Variants in OCEL1 observed in about 807,000 individuals in gnomAD.
The protein encoded by OCEL1 is occludin/ELL domain containing 1, also known as occludin/ELL domain-containing protein 1.
Under a neutral mutation model 29.4 loss-of-function variants are expected in OCEL1, and 24 were observed. The observed-to-expected ratio is 0.82, with a 90% CI of 0.59 to 1.15. OCEL1 has a LOEUF of 1.15. Ranked by LOEUF, OCEL1 falls within the 50% of genes most tolerant of loss-of-function variation. The probability of loss-of-function intolerance (pLI) is 0.00; values close to 1 mark genes in which losing one functional copy is unlikely to be tolerated. For missense variants in OCEL1, 402 were observed against 352.5 expected, an observed-to-expected ratio of 1.14 and a Z score of -1.13; for synonymous variants, 172 against 145.3, an observed-to-expected ratio of 1.18 and a Z score of -1.32.
At position 17,228,305 on chromosome 19, in the gene OCEL1, G is replaced by T; in HGVS notation, c.668G>T (p.Arg223Leu). 1 of 1,614,040 alleles carries T rather than the reference G, an allele frequency of 6.2e-7. No individual in the cohort carries two copies. Among genetic ancestry groups the T allele is most frequent in the Non-Finnish European group, 8.5e-7 (1 of 1,179,994 alleles). The change falls in exon 5 of 6, where the codon CGA (arginine) becomes CTA (leucine). Residue 223 changes from arginine (R) to leucine (L), a missense_variant. By Grantham distance (102) the Arg-to-Leu change is moderately radical. Transcript: ENST00000215061. ...GTTTGGAGGGAGTTTGAGATGAAGC[G>T]AATGGTGAGTCTTGCATCCCACAGC... ...ARVWREFEMKRMDPGFLDKQA... is the reference protein window; with the variant it reads ...ARVWREFEMKLMDPGFLDKQA...
Position 17,227,088 on chromosome 19 carries a change from TTG to T in OCEL1, c.345_346del (p.Phe116Ter). On this transcript the variant is annotated frameshift_variant, in exon 3 of 6. Transcript: ENST00000215061. LOFTEE classifies it high-confidence loss of function. Reference sequence around the variant, plus strand: ...CCCCACAAGGCAAAGACCAAGAAGATTGTGTTTGAGGATGAGTTGCTCTCCCA... The same window carrying T: ...CCCCACAAGGCAAAGACCAAGAAGATTGTTTGAGGATGAGTTGCTCTCCCA... The T allele has an allele frequency of 6.2e-7, 1 of 1,608,460 alleles. No individual in the cohort carries two copies. Among genetic ancestry groups the T allele is most frequent in the Middle Eastern group, 1.7e-4 (1 of 6,034 alleles).
Position 17,228,901 on chromosome 19 carries a change from C to T in OCEL1, c.771C>T (p.Asp257=). 1 of 1,613,452 alleles carries T rather than the reference C, an allele frequency of 6.2e-7. No individual in the cohort carries two copies. The highest frequency in any genetic ancestry group is 1.1e-5 in the South Asian group (1 of 91,084). The change falls in exon 6 of 6, where the codon GAC becomes GAT. Residue 257 remains aspartate, a synonymous_variant. Transcript: ENST00000215061. ...TQIQKFDDQG[D]SEGSVYF ...TCCAGAAATTCGATGACCAAGGAGA[C>T]AGCGAGGGCTCCGTGTACTTCTAAG... is the stretch of plus-strand genomic sequence containing the variant.
rs771753140 is a variant in OCEL1 at position 17,227,196 on chromosome 19, A to G, written c.449A>G (p.Glu150Gly). The change falls in exon 3 of 6, where the codon GAG becomes GGG. Residue 150 changes from glutamate to glycine, a missense_variant. Coordinates refer to ENST00000215061, the MANE Select transcript of OCEL1 (RefSeq NM_024578.3). Reference protein sequence around the residue: ...KPRPHPVPDYELKYPPVSSER... With the variant: ...KPRPHPVPDYGLKYPPVSSER... ...AGGCCCCACCCAGTGCCCGACTATG[A>G]GCTGTGAGTGTCCCCCATGTGATTC... 3.2e-5 allele frequency: 47 copies of G among 1,488,734 alleles called. No individual in the cohort carries two copies. Among genetic ancestry groups the G allele is most frequent in the Admixed American group, 2.5e-4 (10 of 40,010 alleles). The allele number at this position is 1,488,734 out of a possible 1,614,324, so 92.2% of individuals were successfully genotyped here. A position where few individuals can be genotyped will look rare whatever the true frequency, so the allele number is the denominator to read the frequency against.
At chr19:17,227,747 G>T in intron 3 of OCEL1, 93 bp from the exon 4 acceptor site, 1 of 1,258,028 alleles carries the variant, frequency 7.9e-7, no homozygotes. Context: ...TTCTAGTAGG[G>T]GCCCAGCATG....
chr19:17,228,518 C>T (rs575666051), intron 5 of OCEL1: 14 of 612,688 alleles, frequency 2.3e-5, no homozygotes, highest in East Asian at 8.9e-5. Context: ...GGATCACAGG[C>T]GCCCACCACC....
intron 2 of OCEL1, 58 bp downstream of exon 2, chr19:17,226,927 C>T (rs1245212179): frequency 2.6e-6 from 4 of 1,521,246 alleles, no homozygotes; most frequent in Non-Finnish European, 3.5e-6. Flanking sequence ...GATTTAGCCC[C>T]TCCAGTTTGA....
intron 3 of OCEL1, among the ~76,000 whole-genome samples, chr19:17,227,417 G>A (rs1286632733): frequency 2.6e-5 from 4 of 152,080 alleles, no homozygotes; most frequent in East Asian, 1.9e-4. Context: ...TAGGCGAGGC[G>A]CGGTGGCTCA....
intron 5 of OCEL1, 172 bp downstream of exon 5, chr19:17,228,481 G>A (rs1568313828): frequency 1.5e-6 from 1 of 679,552 alleles, no homozygotes; most frequent in Non-Finnish European, 2.4e-6. Context: ...AGCGTCCCGG[G>A]TTCAAGCGGT....
chr19:17,228,237 T>G lies in OCEL1; in HGVS notation c.619-19T>G. On this transcript the variant is annotated intron_variant, in intron 4 of 5. Coordinates refer to ENST00000215061, the MANE Select transcript of OCEL1 (RefSeq NM_024578.3). Reference sequence around the variant, plus strand: ...AATTCAACTCTCCCTAAACCCCCTTTCTACTCCTCCCCTTGCAGAAGGAGG... The same window carrying G: ...AATTCAACTCTCCCTAAACCCCCTTGCTACTCCTCCCCTTGCAGAAGGAGG... The G allele has an allele frequency of 1.9e-6, 3 of 1,613,886 alleles. No homozygotes were observed. Among genetic ancestry groups the G allele is most frequent in the Non-Finnish European group, 2.5e-6 (3 of 1,179,912 alleles).
intron 1 of OCEL1, 111 bp from the exon 2 acceptor site, chr19:17,226,582 G>C: frequency 8.2e-7 from 1 of 1,215,276 alleles, no homozygotes; most frequent in Non-Finnish European, 1.1e-6. Context: ...GGTCGTTCTG[G>C]GGAACTCTGC....
chr19:17,227,938 G>A lies in OCEL1; in HGVS notation c.551G>A (p.Gly184Glu). The change falls in exon 4 of 6, where the codon GGG becomes GAG. Residue 184 changes from glycine to glutamate, a missense_variant. By Grantham distance (98) the Gly-to-Glu change is moderately conservative (BLOSUM62 -2). Coordinates refer to ENST00000215061, the MANE Select transcript of OCEL1 (RefSeq NM_024578.3). ...GEFLELQHEV[G>E]CAQAKLRQLE... ...TTCTTGGAGCTCCAGCACGAGGTGG[G>A]GTGTGCACAGGCAAAGCTCAGGCAG... 1 of 1,613,266 alleles carries A rather than the reference G, an allele frequency of 6.2e-7. No individual in the cohort carries two copies. Among genetic ancestry groups the A allele is most frequent in the African/African-American group, 1.3e-5 (1 of 74,970 alleles).
intron 5 of OCEL1, 74 bp downstream of exon 5, chr19:17,228,383 T>A: frequency 2.8e-6 from 4 of 1,439,818 alleles, no homozygotes; most frequent in Non-Finnish European, 3.8e-6. Flanking sequence ...GTGCCCAGTT[T>A]CTTTTTTTTT....
chr19:17,228,914 G>A lies in OCEL1; in HGVS notation c.784G>A (p.Val262Met), dbSNP rs765389924. 5.6e-6 allele frequency: 9 copies of A among 1,612,502 alleles called. No individual in the cohort carries two copies. The highest frequency in any genetic ancestry group is 4.4e-5 in the South Asian group (4 of 91,062). ...TGACCAAGGAGACAGCGAGGGCTCC[G>A]TGTACTTCTAAGTGCCCCTGCAGAT... Reference protein sequence around the residue: ...FDDQGDSEGSVYF With the variant: ...FDDQGDSEGSMYF The change falls in exon 6 of 6, where the codon GTG becomes ATG. Residue 262 changes from valine to methionine, a missense_variant. By Grantham distance (21) the Val-to-Met change is conservative. Transcript: ENST00000215061.
At position 17,226,768 on chromosome 19, in the gene OCEL1, C is replaced by T; in HGVS notation, c.145C>T (p.Leu49=). The T allele has an allele frequency of 2.5e-6, 4 of 1,593,818 alleles. No individual in the cohort carries two copies. The highest frequency in any genetic ancestry group is 3.4e-6 in the Non-Finnish European group (4 of 1,174,074). The stretch of plus-strand genomic sequence containing the variant: ...GACCCGCCCATCAGCCCGGAAACCC[C>T]TGAGCTGCTTCTCCCGGAGGCCGAT... ...RRTRPSARKP[L]SCFSRRPMPT... The change falls in exon 2 of 6, where the codon CTG becomes TTG. Residue 49 remains leucine (L), a synonymous_variant. Transcript: ENST00000215061.
chr19:17,228,766 G>T (rs1204071662), intron 5 of OCEL1, 37 bp from the exon 6 acceptor site: 1 of 1,606,588 alleles, frequency 6.2e-7, no homozygotes, highest in Admixed American at 1.7e-5. Context: ...CCACAGGGCA[G>T]ACTGCTGCAA....
chr19:17,228,913 CGT>C lies in OCEL1; in HGVS notation c.786_787del (p.Tyr263LeufsTer52). ...FDDQGDSEGS[V>X]YF The stretch of plus-strand genomic sequence containing the variant: ...ATGACCAAGGAGACAGCGAGGGCTC[CGT>C]GTACTTCTAAGTGCCCCTGCAGATG... On this transcript the variant is annotated frameshift_variant, in exon 6 of 6. Transcript: ENST00000215061. LOFTEE classifies it high-confidence loss of function. 6.2e-7 allele frequency: 1 copy of C among 1,612,810 alleles called. No homozygotes were observed. Among genetic ancestry groups the C allele is most frequent in the Admixed American group, 1.7e-5 (1 of 59,990 alleles).
chr19:17,228,762 G>A (rs1276056737), intron 5 of OCEL1, 41 bp from the exon 6 acceptor site: 1 of 1,605,292 alleles, frequency 6.2e-7, no homozygotes, highest in African/African-American at 1.3e-5. Context: ...AAGGCCACAG[G>A]GCAGACTGCT....
In OCEL1 at chr19:17,227,854, T is replaced by G. The variant is rs1432544992; in HGVS notation, c.467T>G (p.Val156Gly). The change falls in exon 4 of 6, where the codon GTG becomes GGG. Residue 156 changes from valine (V) to glycine (G), a missense_variant. Val to Gly is a moderately radical substitution (Grantham distance 109, BLOSUM62 -3). Coordinates refer to ENST00000215061, the MANE Select transcript of OCEL1 (RefSeq NM_024578.3). ...VPDYELKYPPVSSERERSRYV... is the reference protein window; with the variant it reads ...VPDYELKYPPGSSERERSRYV... ...CAACCTGGTAGTAAGTACCCGCCAG[T>G]GAGCAGTGAGAGGGAACGGAGCCGC... 6.2e-7 allele frequency: 1 copy of G among 1,613,774 alleles called. No homozygotes were observed. Among genetic ancestry groups the G allele is most frequent in the South Asian group, 1.1e-5 (1 of 91,066 alleles).
At position 17,227,955 on chromosome 19, in the gene OCEL1, C is replaced by T. The variant is rs1382102404; in HGVS notation, c.568C>T (p.Leu190Phe). ...QHEVGCAQAK[L>F]RQLEALLSSL... ...CGAGGTGGGGTGTGCACAGGCAAAG[C>T]TCAGGCAGCTGGAGGCCCTGCTGAG... Residue 190 changes from leucine (L) to phenylalanine (F), a missense_variant, in exon 4 of 6, where the codon CTC becomes TTC. Leu to Phe is a conservative substitution (Grantham distance 22). Transcript: ENST00000215061. 6.2e-7 allele frequency: 1 copy of T among 1,613,048 alleles called. No homozygotes were observed. Among genetic ancestry groups the T allele is most frequent in the South Asian group, 1.1e-5 (1 of 91,022 alleles).
Sources: allele counts gnomAD v4.1 joint callset (sites outside exome capture counted in the v4.1 genomes callset), GRCh38; gene constraint gnomAD v4.1.1; transcripts MANE v1.5; gene names NCBI Gene and HGNC (gene_info 2026-07-23, HGNC 2026-07-21).